GHR: variants seen among roughly 807,000 people sequenced by gnomAD.
The protein encoded by GHR is growth hormone receptor.
A neutral mutation model predicts 67.1 loss-of-function variants in GHR; 35 were observed. The observed-to-expected ratio is 0.52, with a 90% CI of 0.40 to 0.69. The LOEUF is 0.69. Ranked by LOEUF, GHR falls within the 30% of genes least tolerant of loss-of-function variation. The pLI is 0.00. For missense variants in GHR, 792 were observed against 764.6 expected (o/e 1.04, Z -0.42); for synonymous variants, 272 against 269.1 (o/e 1.01, Z -0.10).
chr5:42,509,727 C>CTTT (rs78991290), intron 1 of GHR, among the ~76,000 whole-genome samples: 2 of 140,934 alleles, frequency 1.4e-5, no homozygotes, highest in African/African-American at 2.6e-5. Flanking sequence ...GGCCTCAAAC[C>CTTT]TTTTTTTTTT....
chr5:42,624,761 CT>C (rs1361666002), intron 2 of GHR, among the ~76,000 whole-genome samples: 1 of 152,172 alleles, frequency 6.6e-6, no homozygotes, highest in Non-Finnish European at 1.5e-5. Context: ...CAAAGGTCCT[CT>C]TTTAGTGCTC....
At chr5:42,606,824 T>C (rs2112656021) in intron 2 of GHR, among the ~76,000 whole-genome samples, 1 of 152,154 alleles carries the variant, frequency 6.6e-6, no homozygotes, top group South Asian at 2.1e-4. Flanking sequence ...ATATCGCCTG[T>C]TCACTCTGTA....
At chr5:42,526,861 C>A (rs971141664) in intron 1 of GHR, among the ~76,000 whole-genome samples, 1 of 152,138 alleles carries the variant, frequency 6.6e-6, no homozygotes, top group South Asian at 2.1e-4. Context: ...ACAAAAGGAA[C>A]CCCATCGGGC....
Position 42,467,814 on chromosome 5 carries a change from G to A in GHR, c.-12+43859G>A, listed in dbSNP as rs531749435. 80 of 1,363,864 alleles carry A rather than the reference G, an allele frequency of 5.9e-5. 2 individuals are homozygous for A. In the Admixed American group the frequency reaches 1.1e-3, roughly 19 times the overall value. 84.5% of individuals were successfully genotyped at this position (1,363,864 alleles called of 1,614,324 possible). ...ACATGCTACAATGTAAAAGACTTTCGCCCAAGCTGGGTTTTCGGATTGTTA... is the reference window on the plus strand; with the variant it reads ...ACATGCTACAATGTAAAAGACTTTCACCCAAGCTGGGTTTTCGGATTGTTA... On this transcript the variant is annotated intron_variant, in intron 1 of 9. Transcript: ENST00000230882.
At chr5:42,713,123 T>C (rs1423045237) in intron 7 of GHR, among the ~76,000 whole-genome samples, 4 of 152,140 alleles carry the variant, frequency 2.6e-5, no homozygotes, top group Non-Finnish European at 5.9e-5. Context: ...TGATACTCCC[T>C]GGACACATAG....
At chr5:42,514,757 AG>A (rs1433040519) in intron 1 of GHR, 1 of 152,192 alleles carries the variant, frequency 6.6e-6, no homozygotes, top group Non-Finnish European at 1.5e-5. Context: ...GGTCAGTGGA[AG>A]GTCCCCCATT....
intron 2 of GHR, among the ~76,000 whole-genome samples, chr5:42,623,144 G>A (rs1753538679): frequency 1.3e-5 from 2 of 152,014 alleles, no homozygotes; most frequent in African/African-American, 2.4e-5. Context: ...TATTGTAAAT[G>A]AAATGATTTG....
chr5:42,551,015 G>A (rs1218715336), intron 1 of GHR, among the ~76,000 whole-genome samples: 2 of 152,188 alleles, frequency 1.3e-5, no homozygotes, highest in East Asian at 3.8e-4. Flanking sequence ...GGATGTTCCT[G>A]AGGTGGAAAG....
chr5:42,489,795 TTATA>T (rs1451683912), intron 1 of GHR, among the ~76,000 whole-genome samples: 12 of 152,340 alleles, frequency 7.9e-5, no homozygotes, highest in African/African-American at 2.9e-4. Context: ...CCATTCATCT[TTATA>T]AATAAGACTT....
chr5:42,427,157 T>C (rs1742888523), intron 1 of GHR, among the ~76,000 whole-genome samples: 2 of 152,252 alleles, frequency 1.3e-5, no homozygotes, highest in Admixed American at 1.3e-4. Context: ...TCCACCCTCC[T>C]CTGCCTTGAA....
intron 2 of GHR, among the ~76,000 whole-genome samples, chr5:42,607,110 T>C (rs1752666093): frequency 6.6e-6 from 1 of 152,158 alleles, no homozygotes; most frequent in Admixed American, 6.5e-5. Flanking sequence ...TTTCCCTCTC[T>C]CCTGCCACCA....
intron 3 of GHR, among the ~76,000 whole-genome samples, chr5:42,655,720 G>C (rs1755222683): frequency 6.7e-6 from 1 of 150,040 alleles, no homozygotes; most frequent in African/African-American, 2.5e-5. Flanking sequence ...GGCATTAGTA[G>C]ACACTGTCTA....
At chr5:42,555,404 A>ACT (rs1749254727) in intron 1 of GHR, among the ~76,000 whole-genome samples, 2 of 151,984 alleles carry the variant, frequency 1.3e-5, no homozygotes, top group Admixed American at 1.3e-4. Context: ...TCCAAATATT[A>ACT]CTCTGTCTTT....
intron 1 of GHR, among the ~76,000 whole-genome samples, chr5:42,521,905 A>G (rs1366797405): frequency 6.6e-6 from 1 of 152,236 alleles, no homozygotes; most frequent in African/African-American, 2.4e-5. Flanking sequence ...GTTTTTAAAT[A>G]ATTTGGCAAA....
intron 1 of GHR, chr5:42,467,223 T>C (rs1744770414): frequency 6.7e-7 from 1 of 1,494,222 alleles, no homozygotes; most frequent in Non-Finnish European, 9.3e-7. Context: ...AGTCATAAGG[T>C]TTCTCTGCAG....
intron 4 of GHR, among the ~76,000 whole-genome samples, chr5:42,689,551 C>A (rs531591531): frequency 2.4e-4 from 37 of 152,166 alleles, no homozygotes; most frequent in African/African-American, 8.7e-4. Context: ...ATAAGTGAAA[C>A]GGGACAGGCC....
intron 2 of GHR, among the ~76,000 whole-genome samples, chr5:42,624,649 T>G (rs1263756807): frequency 6.6e-6 from 1 of 152,120 alleles, no homozygotes; most frequent in Non-Finnish European, 1.5e-5. Context: ...CCTTTCACTT[T>G]GTTATTATTT....
intron 2 of GHR, among the ~76,000 whole-genome samples, chr5:42,572,826 A>T (rs369232538): frequency 3.3e-5 from 5 of 152,284 alleles, no homozygotes; most frequent in African/African-American, 1.2e-4. Context: ...GGATGTTTTT[A>T]TAGAAACTTT....
chr5:42,678,917 C>T (rs1215752772), intron 3 of GHR, among the ~76,000 whole-genome samples: 1 of 148,536 alleles, frequency 6.7e-6, no homozygotes, highest in Non-Finnish European at 1.5e-5. Flanking sequence ...TATGTGAGAA[C>T]ATTTTAAAAC....
Sources: gnomAD v4.1 joint callset for allele counts (sites outside exome capture counted in the v4.1 genomes callset) on GRCh38, gnomAD v4.1.1 for gene constraint, MANE v1.5 for transcripts, NCBI Gene and HGNC (gene_info 2026-07-23, HGNC 2026-07-21) for gene names.